The following VGLL4 variants were observed in gnomAD, a reference collection of about 807,000 sequenced individuals.
VGLL4 encodes the protein transcription cofactor vestigial-like protein 4.
Under a neutral mutation model 21.0 loss-of-function variants are expected in VGLL4, and 7 were observed. The observed-to-expected ratio is 0.33, with a 90% CI of 0.19 to 0.63. VGLL4 has a LOEUF of 0.63. VGLL4 is among the 20% of genes least tolerant of loss of function. The probability of loss-of-function intolerance (pLI) is 0.78; values close to 1 mark genes in which losing one functional copy is unlikely to be tolerated. For missense variants in VGLL4, 394 were observed against 425.7 expected, an observed-to-expected ratio of 0.93 and a Z score of 0.66; for synonymous variants, 222 against 173.2, an observed-to-expected ratio of 1.28 and a Z score of -2.21.
chr3:11,620,384 G>A (rs1269581337), intron 1 of VGLL4, among the ~76,000 whole-genome samples: 2 of 152,146 alleles, frequency 1.3e-5, no homozygotes, highest in African/African-American at 4.8e-5. Context: ...AGCCTGAGGG[G>A]GCAACAGCAC....
At position 11,568,678 on chromosome 3, in the gene VGLL4, A is replaced by C. The variant is rs2073649002; in HGVS notation, c.273-3659T>G. On this transcript the variant is annotated intron_variant, in intron 2 of 4. Coordinates refer to ENST00000430365, the MANE Select transcript of VGLL4 (RefSeq NM_001128219.3). The surrounding 1 kb of genome is among the most constrained non-coding windows in gnomAD (Gnocchi z 5.9). ...TTTCCAGGCCCCGCTCGCCCGGATG[A>C]ATCACCTCCCGGCCACTGCTTCCCA... 3 of 1,554,230 alleles carry C rather than the reference A, an allele frequency of 1.9e-6. No homozygotes were observed. Among genetic ancestry groups the C allele is most frequent in the South Asian group, 2.4e-5 (2 of 84,282 alleles).
intron 1 of VGLL4, among the ~76,000 whole-genome samples, chr3:11,629,746 C>CAAAAAAAAAAAA (rs10609918): frequency 2.3e-5 from 2 of 85,364 alleles, no homozygotes; most frequent in Non-Finnish European, 4.6e-5. Flanking sequence ...AGACGGGTCT[C>CAAAAAAAAAAAA]AAAAAAAAAA....
chr3:11,718,866 C>G (rs1024102097), intron 1 of VGLL4, among the ~76,000 whole-genome samples: 2 of 152,126 alleles, frequency 1.3e-5, no homozygotes, highest in Admixed American at 1.3e-4. Context: ...CACCGACGAT[C>G]AAAGTGAAAC....
chr3:11,595,539 A>G (rs1360891273), intron 2 of VGLL4, among the ~76,000 whole-genome samples: 1 of 151,118 alleles, frequency 6.6e-6, no homozygotes, highest in Non-Finnish European at 1.5e-5. Context: ...ATGCACACGT[A>G]TGTTTATTGC....
At chr3:11,617,837 G>C (rs1206211133) in intron 1 of VGLL4, among the ~76,000 whole-genome samples, 1 of 152,204 alleles carries the variant, frequency 6.6e-6, no homozygotes, top group Non-Finnish European at 1.5e-5. Flanking sequence ...ATCTAACAAA[G>C]TCTAATTAAC....
chr3:11,710,391 C>T (rs1458869401), intron 1 of VGLL4: 1 of 152,192 alleles, frequency 6.6e-6, no homozygotes, highest in African/African-American at 2.4e-5. Flanking sequence ...CAGGCATGTT[C>T]ACTCCATGTC....
chr3:11,602,881 T>A, intron 1 of VGLL4, among the ~76,000 whole-genome samples: 1 of 147,262 alleles, frequency 6.8e-6, no homozygotes, highest in East Asian at 1.9e-4. Context: ...GACGAATGAT[T>A]ACTTTAAGAG....
chr3:11,661,461 TTATC>T (rs1553740497), intron 2 of VGLL4, among the ~76,000 whole-genome samples: 11 of 150,814 alleles, frequency 7.3e-5, no homozygotes, highest in South Asian at 2.1e-4. Context: ...ATTTATTTAT[TTATC>T]TATTTATTTA....
chr3:11,683,276 G>A (rs1326618664), intron 2 of VGLL4, among the ~76,000 whole-genome samples: 2 of 152,096 alleles, frequency 1.3e-5, no homozygotes, highest in Non-Finnish European at 2.9e-5. Context: ...AAAAAGTCAG[G>A]AAACAATAGA....
chr3:11,715,801 G>A (rs768464568), intron 1 of VGLL4, among the ~76,000 whole-genome samples: 1 of 152,136 alleles, frequency 6.6e-6, no homozygotes, highest in African/African-American at 2.4e-5. Context: ...GTATGTTTCT[G>A]TTTAAAGACA....
At chr3:11,560,722 C>G (rs865969249) in intron 3 of VGLL4, among the ~76,000 whole-genome samples, 4 of 152,142 alleles carry the variant, frequency 2.6e-5, no homozygotes, top group Admixed American at 1.3e-4. Flanking sequence ...GCAGACCAAC[C>G]AAGAATTCAG....
chr3:11,581,081 A>ATTTT lies in VGLL4; in HGVS notation c.273-16063_273-16062insAAAA, dbSNP rs1559877167. Among the ~76,000 whole-genome samples, 141 of 114,810 alleles carry ATTTT rather than the reference A, an allele frequency of 1.2e-3. 1 individual carries two copies. In the South Asian group the frequency reaches 0.025, roughly 20 times the overall value. 75.3% of individuals were successfully genotyped at this position (114,810 alleles called of 152,430 possible). The stretch of plus-strand genomic sequence containing the variant: ...GCAACTCCTTTTTTTTTTTTTTTAA[A>ATTTT]AAAAAAGATAACTCTTTCTCTGTCG... On this transcript the variant is annotated intron_variant, in intron 2 of 4. Transcript: ENST00000430365.
rs980676185 is a variant in VGLL4, at chr3:11,565,965, G to A, written c.273-946C>T. ...TCCGCTGACAGAGTAACCTTTTTCC[G>A]TAACTCATGAGCTGGTCATTTAAAG... On this transcript the variant is annotated intron_variant, in intron 2 of 4. Coordinates refer to ENST00000430365, the MANE Select transcript of VGLL4 (RefSeq NM_001128219.3). The surrounding 1 kb of genome is among the most constrained non-coding windows in gnomAD (Gnocchi z 4.1). Among the ~76,000 whole-genome samples, 8 of 152,006 alleles carry A rather than the reference G, an allele frequency of 5.3e-5. No individual in the cohort carries two copies. The highest frequency in any genetic ancestry group is 2.1e-4 in the South Asian group (1 of 4,818).
chr3:11,623,499 G>T (rs973886306), intron 1 of VGLL4, among the ~76,000 whole-genome samples: 1 of 152,082 alleles, frequency 6.6e-6, no homozygotes, highest in Non-Finnish European at 1.5e-5. Flanking sequence ...ATCCTGAGTC[G>T]AAGTGGACCC....
chr3:11,576,925 T>C (rs2074068385), intron 2 of VGLL4, among the ~76,000 whole-genome samples: 3 of 152,236 alleles, frequency 2.0e-5, no homozygotes, highest in South Asian at 4.1e-4. Flanking sequence ...GTCTGCTCGG[T>C]AGGCTGCTCA....
chr3:11,573,826 A>G (rs1279796139), intron 2 of VGLL4, among the ~76,000 whole-genome samples: 1 of 152,160 alleles, frequency 6.6e-6, no homozygotes, highest in Admixed American at 6.5e-5. Context: ...AGGTTCTCTG[A>G]ATGTGAGCTT....
intron 2 of VGLL4, among the ~76,000 whole-genome samples, chr3:11,686,440 T>C (rs1443445077): frequency 6.6e-6 from 1 of 152,200 alleles, no homozygotes; most frequent in Non-Finnish European, 1.5e-5. Flanking sequence ...ATTCCACATA[T>C]ATGAAGTACC....
At chr3:11,656,009 A>G (rs1315241735) in intron 2 of VGLL4, among the ~76,000 whole-genome samples, 1 of 152,228 alleles carries the variant, frequency 6.6e-6, no homozygotes, top group Non-Finnish European at 1.5e-5. Context: ...GAAAGCGAGA[A>G]GCCTAAAAGA....
At position 11,573,323 on chromosome 3, in the gene VGLL4, GAAAGAAAGAAAGA is replaced by G. The variant is rs1559870328; in HGVS notation, c.273-8317_273-8305del. 5.7e-3 allele frequency among the ~76,000 whole-genome samples: 198 copies of G among 34,444 alleles called. 4 individuals are homozygous for G. The highest frequency in any genetic ancestry group is 9.3e-3 in the Non-Finnish European group (148 of 15,846). The allele number at this position is 34,444 out of a possible 152,430, so 22.6% of individuals were successfully genotyped here. ...AGAAAGAAAGGAAGGAAGGAAGAAAGAAAGAAAGAAAGAAAGAAAGAAAGAAAGAAAGAAAGAA... is the reference window on the plus strand; with the variant it reads ...AGAAAGAAAGGAAGGAAGGAAGAAAGAAGAAAGAAAGAAAGAAAGAAAGAA... On this transcript the variant is annotated intron_variant, in intron 2 of 4. Transcript: ENST00000430365.
Sources: gnomAD v4.1 joint callset for allele counts (sites outside exome capture counted in the v4.1 genomes callset) on GRCh38, gnomAD v4.1.1 for gene constraint, Gnocchi (gnomAD v3.1) non-coding constraint, MANE v1.5 for transcripts, NCBI Gene and HGNC (gene_info 2026-07-23, HGNC 2026-07-21) for gene names.